The following ANO5 variants were observed in gnomAD, a reference collection of about 807,000 sequenced individuals.
ANO5 encodes anoctamin 5, also known as anoctamin-5.
In ANO5, 109 loss-of-function variants were observed where a neutral mutation model predicts 121.0. The ratio of observed to expected loss-of-function variants is 0.90; its 90% CI spans 0.77 to 1.06. ANO5 has a LOEUF of 1.06. ANO5 is among the 50% of genes least tolerant of loss of function. The pLI, the probability that ANO5 is intolerant of heterozygous loss-of-function variation, is 0.00. For synonymous variants in ANO5, 406 were observed against 359.9 expected (o/e 1.13, Z -1.45); for missense variants, 1,064 against 1,078.5 (o/e 0.99, Z 0.19).
At chr11:22,199,047 C>T (rs565481222) in intron 1 of ANO5, among the ~76,000 whole-genome samples, 19 of 152,230 alleles carry the variant, frequency 1.2e-4, no homozygotes, top group Non-Finnish European at 2.5e-4. Context: ...AAAGCCTGCA[C>T]TCAGAAAGTT....
chr11:22,233,123 T>C lies in ANO5; in HGVS notation c.649-3040T>C, dbSNP rs1039035258. The stretch of plus-strand genomic sequence containing the variant: ...CTTTTATTCCAAGAAAAAACAAAAC[T>C]CATATCTCTATGTCAAGAAGTAGTT... On this transcript the variant is annotated intron_variant, in intron 7 of 21. Transcript: ENST00000324559. 6.6e-5 allele frequency among the ~76,000 whole-genome samples: 10 copies of C among 151,788 alleles called. No homozygotes were observed. The South Asian group carries it at 2.1e-3, about 31-fold the overall frequency.
At chr11:22,279,064 G>A (rs1424102145) in intron 21 of ANO5, among the ~76,000 whole-genome samples, 2 of 151,672 alleles carry the variant, frequency 1.3e-5, no homozygotes, top group African/African-American at 2.4e-5. Context: ...TGCTCCTTAT[G>A]CAGATTTGTA....
Position 22,193,185 on chromosome 11 carries a change from A to G in ANO5, c.-308A>G, listed in dbSNP as rs1262653260. The G allele has an allele frequency of 1.6e-6, 2 of 1,255,264 alleles. No homozygotes were observed. Among genetic ancestry groups the G allele is most frequent in the Non-Finnish European group, 2.0e-6 (2 of 985,370 alleles). The allele number at this position is 1,255,264 out of a possible 1,614,324, so 77.8% of individuals were successfully genotyped here. On this transcript the variant is annotated 5_prime_UTR_variant, in exon 1 of 22. Coordinates refer to ENST00000324559, the MANE Select transcript of ANO5 (RefSeq NM_213599.3). The stretch of plus-strand genomic sequence containing the variant: ...CTGGAGAAGTACTGGGAGAGCGCCC[A>G]GGAGCGCTACCGGCTGAGGGTGGGG...
Position 22,270,387 on chromosome 11 carries a change from T to A in ANO5, c.1974T>A (p.Asp658Glu). 6.2e-7 allele frequency: 1 copy of A among 1,614,180 alleles called. No homozygotes were observed. Among genetic ancestry groups the A allele is most frequent in the Non-Finnish European group, 8.5e-7 (1 of 1,180,020 alleles). ...AGCTGTATAGTCGATGGGAGCAGGA[T>A]CATGACCTTGAAAGTTTTGGACCCC... The part of the protein sequence containing the change: ...SEKLYSRWEQ[D>E]HDLESFGPLG... The change falls in exon 18 of 22, where the codon GAT becomes GAA. Residue 658 changes from aspartate (D) to glutamate (E), a missense_variant. Coordinates refer to ENST00000324559, the MANE Select transcript of ANO5 (RefSeq NM_213599.3).
At chr11:22,226,536 G>A in intron 6 of ANO5, among the ~76,000 whole-genome samples, 1 of 151,826 alleles carries the variant, frequency 6.6e-6, no homozygotes, top group Admixed American at 6.6e-5. Flanking sequence ...ATTCCAGCCT[G>A]GGCAACATAG....
chr11:22,205,810 A>G (rs573473916), intron 2 of ANO5, among the ~76,000 whole-genome samples: 1 of 152,248 alleles, frequency 6.6e-6, no homozygotes, highest in South Asian at 2.1e-4. Context: ...TAGATACCAA[A>G]AAGATAATAA....
intron 5 of ANO5, among the ~76,000 whole-genome samples, chr11:22,225,025 G>A (rs549125516): frequency 6.6e-6 from 1 of 151,856 alleles, no homozygotes; most frequent in South Asian, 2.1e-4. Flanking sequence ...GGGAGATAAA[G>A]GGGGAAAAAC....
rs1417289245 is a variant in ANO5, at chr11:22,211,284, G to C, written c.108G>C (p.Glu36Asp). 1 of 1,612,182 alleles carries C rather than the reference G, an allele frequency of 6.2e-7. No homozygotes were observed. The part of the protein sequence containing the change: ...QMSEQSLSSR[E>D]TSFLINEETM... ...GTTAGCAGAGCCTGAGCAGCAGAGA[G>C]ACCAGCTTTCTCATCAATGAAGAAA... The change falls in exon 3 of 22, where the codon GAG becomes GAC. Residue 36 changes from glutamate (E) to aspartate (D), a missense_variant. By Grantham distance (45) the Glu-to-Asp change is conservative (BLOSUM62 2). Transcript: ENST00000324559.
intron 3 of ANO5, among the ~76,000 whole-genome samples, chr11:22,215,215 A>G (rs1460987232): frequency 6.6e-6 from 1 of 151,984 alleles, no homozygotes; most frequent in East Asian, 1.9e-4. Context: ...ATGGGCCTTG[A>G]TCACCTCAAG....
intron 7 of ANO5, among the ~76,000 whole-genome samples, chr11:22,229,728 C>T (rs1852975903): frequency 6.6e-6 from 1 of 151,968 alleles, no homozygotes; most frequent in Non-Finnish European, 1.5e-5. Context: ...TGTCAGTATT[C>T]ATTTACCTCT....
chr11:22,236,551 T>G (rs1564928933), intron 8 of ANO5, among the ~76,000 whole-genome samples: 1 of 152,322 alleles, frequency 6.6e-6, no homozygotes, highest in East Asian at 1.9e-4. Flanking sequence ...AGCAGTCACA[T>G]TAAAAGAACA....
chr11:22,201,983 T>C (rs777222305), intron 1 of ANO5, among the ~76,000 whole-genome samples: 3 of 152,056 alleles, frequency 2.0e-5, no homozygotes, highest in Non-Finnish European at 4.4e-5. Context: ...TGAAAGAAGG[T>C]ATAAGGATCT....
rs115522423 is a variant in ANO5 at position 22,279,105 on chromosome 11, A to G, written c.2521-439A>G. ...TCCTCTTGTTTTCAACTCCAACTCA[A>G]ACTAATACCTTCAAAAGTCCTTATT... On this transcript the variant is annotated intron_variant, in intron 21 of 21. Transcript: ENST00000324559. Among the ~76,000 whole-genome samples, 224 of 151,848 alleles carry G rather than the reference A, an allele frequency of 1.5e-3. 1 individual carries two copies. Among genetic ancestry groups the G allele is most frequent in the African/African-American group, 4.9e-3 (202 of 41,512 alleles).
chr11:22,276,679 C>G (rs1419386327), intron 21 of ANO5, among the ~76,000 whole-genome samples: 1 of 150,640 alleles, frequency 6.6e-6, no homozygotes, highest in Admixed American at 6.6e-5. Context: ...TATGCTCTGT[C>G]TACTATATTA....
At chr11:22,251,558 T>C (rs1014208073) in intron 12 of ANO5, among the ~76,000 whole-genome samples, 6 of 152,206 alleles carry the variant, frequency 3.9e-5, no homozygotes, top group African/African-American at 1.2e-4. Context: ...TAAAGTGTCA[T>C]GAAGTTTTTC....
In ANO5 at chr11:22,216,141, T is replaced by C. The variant is rs78821158; in HGVS notation, c.139-2105T>C. On this transcript the variant is annotated intron_variant, in intron 3 of 21. Transcript: ENST00000324559. ...AAGACCATTATGAATAAGGCTATTA[T>C]GAACATTCATGTAAGAAGTGTTTTT... Among the ~76,000 whole-genome samples, 7 of 152,068 alleles carry C rather than the reference T, an allele frequency of 4.6e-5. No homozygotes were observed. In the East Asian group the frequency reaches 1.4e-3, roughly 29 times the overall value.
intron 1 of ANO5, among the ~76,000 whole-genome samples, chr11:22,199,124 C>A (rs1195020325): frequency 6.6e-6 from 1 of 152,046 alleles, no homozygotes; most frequent in Non-Finnish European, 1.5e-5. Flanking sequence ...AAGAGCAGAT[C>A]CTGCAACACA....
At chr11:22,214,669 T>A (rs1370946905) in intron 3 of ANO5, among the ~76,000 whole-genome samples, 1 of 151,944 alleles carries the variant, frequency 6.6e-6, no homozygotes, top group Non-Finnish European at 1.5e-5. Flanking sequence ...CTTCCTGAAT[T>A]CAACCTTAGG....
At chr11:22,233,482 T>G (rs1234827744) in intron 7 of ANO5, among the ~76,000 whole-genome samples, 1 of 152,068 alleles carries the variant, frequency 6.6e-6, no homozygotes, top group Non-Finnish European at 1.5e-5. Flanking sequence ...TAGCAGCCAT[T>G]TAGTCTTTCC....
Sources: allele counts gnomAD v4.1 joint callset (sites outside exome capture counted in the v4.1 genomes callset), GRCh38; gene constraint gnomAD v4.1.1; transcripts MANE v1.5; gene names NCBI Gene and HGNC (gene_info 2026-07-23, HGNC 2026-07-21).